Variants in INF2 observed in about 807,000 individuals in gnomAD.
INF2 encodes the protein inverted formin-2.
In INF2, 43 loss-of-function variants were observed where a neutral mutation model predicts 123.5. That is an observed-to-expected ratio of 0.35 (90% CI 0.27 to 0.45). The LOEUF (loss-of-function observed/expected upper bound fraction) is 0.45. Ranked by LOEUF, INF2 falls within the 20% of genes least tolerant of loss-of-function variation. The probability of loss-of-function intolerance (pLI) is 1.00; values close to 1 mark genes in which losing one functional copy is unlikely to be tolerated. For synonymous variants in INF2, 851 were observed against 745.0 expected (o/e 1.14, Z -2.32); for missense variants, 1,453 against 1,682.7 (o/e 0.86, Z 2.39).
chr14:104,713,990 G>C (rs575691677), intron 20 of INF2, among the ~76,000 whole-genome samples: 1 of 152,368 alleles, frequency 6.6e-6, no homozygotes, highest in East Asian at 1.9e-4. Context: ...GCCTCAGGGT[G>C]CTGGGAATGG....
chr14:104,708,431 G>A lies in INF2; in HGVS notation c.1736-5G>A, dbSNP rs751574571. ...AGCCTCACTGGCCGTGTCCCCACCC[G>A]ACAGAGCACAACTCTATGTGGGCGT... On this transcript the variant is annotated splice_polypyrimidine_tract_variant and splice_region_variant and intron_variant, in intron 8 of 22. Coordinates refer to ENST00000392634, the MANE Select transcript of INF2 (RefSeq NM_022489.4). 2.5e-5 allele frequency: 40 copies of A among 1,611,426 alleles called. No homozygotes were observed. The highest frequency in any genetic ancestry group is 4.5e-5 in the East Asian group (2 of 44,878).
chr14:104,689,587 T>TACAACC, upstream of INF2: 1 of 851,064 alleles, frequency 1.2e-6, no homozygotes, highest in South Asian at 5.4e-5. Flanking sequence ...CACCTCCTCT[T>TACAACC]CCTCCCGCCC....
At position 104,709,270 on chromosome 14, in the gene INF2, C is replaced by T. The variant is rs772393881; in HGVS notation, c.1950-11C>T. On this transcript the variant is annotated splice_polypyrimidine_tract_variant and intron_variant, in intron 10 of 22. Transcript: ENST00000392634. ...TTCACTCACCCCTGCCCGGTCCTCTCCCTGCTCCAGCTCCAACGAGGAGGT... is the reference window on the plus strand; with the variant it reads ...TTCACTCACCCCTGCCCGGTCCTCTTCCTGCTCCAGCTCCAACGAGGAGGT... 2.7e-5 allele frequency: 44 copies of T among 1,608,942 alleles called. No individual in the cohort carries two copies. The highest frequency in any genetic ancestry group is 6.7e-5 in the Admixed American group (4 of 59,860).
Position 104,710,200 on chromosome 14 carries a change from C to T in INF2, c.2239+12C>T, listed in dbSNP as rs1335262290. ...GGCTGCCTGCGAAAGTGAGTGGGGC[C>T]AAGCGGGGCACGTGTGCAGGAGGGA... On this transcript the variant is annotated intron_variant, in intron 13 of 22. Coordinates refer to ENST00000392634, the MANE Select transcript of INF2 (RefSeq NM_022489.4). 2 of 1,536,334 alleles carry T rather than the reference C, an allele frequency of 1.3e-6. No individual in the cohort carries two copies. Among genetic ancestry groups the T allele is most frequent in the Non-Finnish European group, 1.8e-6 (2 of 1,138,700 alleles).
Position 104,715,351 on chromosome 14 carries a change from A to G in INF2, c.*1+11A>G. 6.2e-7 allele frequency: 1 copy of G among 1,612,728 alleles called. No homozygotes were observed. The highest frequency in any genetic ancestry group is 8.5e-7 in the Non-Finnish European group (1 of 1,179,350). On this transcript the variant is annotated intron_variant, in intron 22 of 22. Coordinates refer to ENST00000392634, the MANE Select transcript of INF2 (RefSeq NM_022489.4). The stretch of plus-strand genomic sequence containing the variant: ...GTGTGATCCAGTAAGGTATGTACGC[A>G]GCCGGCGCTCCGTGGGGGCTAACAG...
intron 15 of INF2, 58 bp downstream of exon 15, chr14:104,711,244 T>A: frequency 7.1e-7 from 1 of 1,400,642 alleles, no homozygotes; most frequent in South Asian, 1.2e-5. Context: ...GGACCTGGGG[T>A]GTAGAGGCGT....
Position 104,681,715 on chromosome 14 carries a change from G to C in INF2, c.-104+133G>C, listed in dbSNP as rs955320312. 7 of 695,238 alleles carry C rather than the reference G, an allele frequency of 1.0e-5. No individual in the cohort carries two copies. In the African/African-American group the frequency reaches 1.3e-4, roughly 13 times the overall value. 43.1% of individuals were successfully genotyped at this position (695,238 alleles called of 1,614,324 possible). On this transcript the variant is annotated intron_variant, in intron 1 of 2. Transcript: ENST00000674723. ...CTGAGGTCCCGGAGGGCAGCACGCT[G>C]GTGCAGAGCCGGGACAGCCTGGGGT...
At position 104,708,748 on chromosome 14, in the gene INF2, A is replaced by G. The variant is rs11850821; in HGVS notation, c.1949+16A>G. 0.11 allele frequency: 174,474 copies of G among 1,611,970 alleles called. 16,737 individuals are homozygous for G. The highest frequency in any genetic ancestry group is 0.51 in the African/African-American group (38,099 of 74,898). ...AATTTAAGTGGTGAGTGAGGGAGGT[A>G]GCCCCCATCCCAGGCCACGGAGCCT... On this transcript the variant is annotated intron_variant, in intron 10 of 22. Coordinates refer to ENST00000392634, the MANE Select transcript of INF2 (RefSeq NM_022489.4).
chr14:104,714,398 A>T lies in INF2; in HGVS notation c.3236A>T (p.Tyr1079Phe). Residue 1079 changes from tyrosine (Y) to phenylalanine (F), a missense_variant, in exon 21 of 23, where the codon TAT (tyrosine) becomes TTT (phenylalanine). Around this residue, in one of 8 missense-constraint regions of INF2, gnomAD observed 344 missense variants for 333.1 expected, o/e 1.03. Transcript: ENST00000392634. ...CCCCTGGAGAGGCGTTCTTCCTGGT[A>T]TGTGGATGCCAGCGATGTCCTAACC... ...PRPLERRSSWYVDASDVLTTE... is the reference protein window; with the variant it reads ...PRPLERRSSWFVDASDVLTTE... The T allele has an allele frequency of 1.2e-6, 2 of 1,604,282 alleles. No individual in the cohort carries two copies. The highest frequency in any genetic ancestry group is 1.1e-5 in the South Asian group (1 of 89,884).
intron 13 of INF2, 96 bp downstream of exon 13, chr14:104,710,284 A>G: frequency 1.2e-6 from 1 of 845,124 alleles, no homozygotes; most frequent in Non-Finnish European, 1.9e-6. Flanking sequence ...CCAGTATCAT[A>G]ATGGCTGCTA....
At chr14:104,698,042 C>G (rs558692989) in intron 1 of INF2, among the ~76,000 whole-genome samples, 1 of 152,218 alleles carries the variant, frequency 6.6e-6, no homozygotes, top group Non-Finnish European at 1.5e-5. Context: ...GAAAAGATTG[C>G]GAAGAACGCA....
rs913833582 is a variant in INF2, at chr14:104,711,624, T to C, written c.2419-5T>C. The stretch of plus-strand genomic sequence containing the variant: ...GTGGATCTCACTGGACGTGTCCCAT[T>C]GCAGGAAGCGGAAAAGAGCCACCCC... On this transcript the variant is annotated splice_polypyrimidine_tract_variant and splice_region_variant and intron_variant, in intron 15 of 22. Transcript: ENST00000392634. 11 of 1,612,374 alleles carry C rather than the reference T, an allele frequency of 6.8e-6. No individual in the cohort carries two copies. In the African/African-American group the frequency reaches 9.3e-5, roughly 14 times the overall value.
At position 104,708,524 on chromosome 14, in the gene INF2, C is replaced by T; in HGVS notation, c.1824C>T (p.Phe608=). The change falls in exon 9 of 23, where the codon TTC becomes TTT. Residue 608 remains phenylalanine, a synonymous_variant. Coordinates refer to ENST00000392634, the MANE Select transcript of INF2 (RefSeq NM_022489.4). The part of the protein sequence containing the change: ...DFSSIERLFS[F]PAAKPKEPTM... Reference sequence around the variant, plus strand: ...CCAGCATCGAGCGACTATTCTCCTTCCCTGCAGCCAAGCCCAAGGAGCCCA... The same window carrying T: ...CCAGCATCGAGCGACTATTCTCCTTTCCTGCAGCCAAGCCCAAGGAGCCCA... The T allele has an allele frequency of 6.2e-7, 1 of 1,612,524 alleles. No individual in the cohort carries two copies. Among genetic ancestry groups the T allele is most frequent in the Non-Finnish European group, 8.5e-7 (1 of 1,179,812 alleles).
At chr14:104,713,125 G>A in intron 18 of INF2, 82 bp from the exon 19 acceptor site, 1 of 1,604,448 alleles carries the variant, frequency 6.2e-7, no homozygotes, top group South Asian at 1.1e-5. Context: ...CGCTGCTGCG[G>A]CTCAGGGAGG....
rs569880175 is a variant in INF2 at position 104,718,960 on chromosome 14, G to A, written c.*167G>A. 2.1e-6 allele frequency: 3 copies of A among 1,416,786 alleles called. No homozygotes were observed. In the South Asian group the frequency reaches 4.6e-5, roughly 22 times the overall value. The allele number at this position is 1,416,786 out of a possible 1,614,324, so 87.8% of individuals were successfully genotyped here. On this transcript the variant is annotated 3_prime_UTR_variant, in exon 23 of 23. Transcript: ENST00000392634. ...CCTCCTGGAGCCTTCTTGGGGTGTT[G>A]TGGCTGGGAACCCGACAGGCACCAG...
Position 104,714,274 on chromosome 14 carries a change from G to A in INF2, c.3112G>A (p.Ala1038Thr), listed in dbSNP as rs1417326306. The change falls in exon 21 of 23, where the codon GCT becomes ACT. Residue 1038 changes from alanine to threonine, a missense_variant. Coordinates refer to ENST00000392634, the MANE Select transcript of INF2 (RefSeq NM_022489.4). ...TCCCGCCTCTGAGCCCGGCCTTGAT[G>A]CTACAACAGCCAGCGAGTCCCGGGG... is the stretch of plus-strand genomic sequence containing the variant. Reference protein sequence around the residue: ...RCPASEPGLDATTASESRGWD... With the variant: ...RCPASEPGLDTTTASESRGWD... 1.3e-6 allele frequency: 2 copies of A among 1,595,014 alleles called. No homozygotes were observed. Among genetic ancestry groups the A allele is most frequent in the Non-Finnish European group, 1.7e-6 (2 of 1,172,418 alleles).
chr14:104,708,848 C>A, intron 10 of INF2, 116 bp downstream of exon 10: 2 of 1,086,802 alleles, frequency 1.8e-6, no homozygotes, highest in Non-Finnish European at 2.8e-6. Flanking sequence ...CACACTGCAT[C>A]CCCTAGGCAG....
chr14:104,712,602 G>A, intron 17 of INF2, 49 bp downstream of exon 17: 1 of 1,611,104 alleles, frequency 6.2e-7, no homozygotes, highest in Non-Finnish European at 8.5e-7. Flanking sequence ...TGCCCTGATA[G>A]AGTGAGCTGG....
At chr14:104,713,353 C>T in intron 19 of INF2, 44 bp downstream of exon 19, 1 of 1,555,692 alleles carries the variant, frequency 6.4e-7, no homozygotes, top group Non-Finnish European at 8.7e-7. Flanking sequence ...ACTCTGGGAT[C>T]CTTGTCTGTG....
Sources: gnomAD v4.1 joint callset for allele counts (sites outside exome capture counted in the v4.1 genomes callset) on GRCh38, gnomAD v4.1.1 for gene constraint, gnomAD v4.1.1 regional missense constraint, MANE v1.5 for transcripts, NCBI Gene and HGNC (gene_info 2026-07-23, HGNC 2026-07-21) for gene names.